Variants in DCAF10 observed in about 807,000 individuals in gnomAD.
DCAF10 encodes the protein DDB1- and CUL4-associated factor 10.
A neutral mutation model predicts 51.9 loss-of-function variants in DCAF10; 19 were observed. That is an observed-to-expected ratio of 0.37 (90% CI 0.26 to 0.54). The LOEUF is 0.54. Ranked by LOEUF, DCAF10 falls within the 20% of genes least tolerant of loss-of-function variation. The probability of loss-of-function intolerance (pLI) is 0.87; values close to 1 mark genes in which losing one functional copy is unlikely to be tolerated. For missense variants in DCAF10, 510 were observed against 730.6 expected (o/e 0.70, Z 3.48); for synonymous variants, 291 against 297.1 (o/e 0.98, Z 0.21).
intron 3 of DCAF10, among the ~76,000 whole-genome samples, chr9:37,845,574 C>T (rs1246297797): frequency 6.6e-6 from 1 of 152,182 alleles, no homozygotes. Flanking sequence ...TGTACTGGTT[C>T]AGCTGAAGTA....
At chr9:37,827,131 A>G (rs2117902779) in intron 2 of DCAF10, among the ~76,000 whole-genome samples, 1 of 152,250 alleles carries the variant, frequency 6.6e-6, no homozygotes, top group Admixed American at 6.5e-5. Context: ...CGGCCACCAC[A>G]ATACCTATTT....
At position 37,807,658 on chromosome 9, in the gene DCAF10, C is replaced by CTTTTTTTTTTTTTTTTTTTTTTTTTTT; in HGVS notation, c.539+6274_539+6275insTTTTTTTTTTTTTTTTTTTTTTTTTTT. Among the ~76,000 whole-genome samples the CTTTTTTTTTTTTTTTTTTTTTTTTTTT allele has an allele frequency of 2.8e-5, 2 of 72,556 alleles. 1 individual carries two copies. The highest frequency in any genetic ancestry group is 5.2e-5 in the Non-Finnish European group (2 of 38,246). The allele number at this position is 72,556 out of a possible 152,430, so 47.6% of individuals were successfully genotyped here. A position where few individuals can be genotyped will look rare whatever the true frequency, so the allele number is the denominator to read the frequency against. ...TTACCACTGAATTTTCTTTTCTTTT[C>CTTTTTTTTTTTTTTTTTTTTTTTTTTT]TTTTTTTTTTTTTTTTTTTTTGAGA... On this transcript the variant is annotated intron_variant, in intron 1 of 6. Coordinates refer to ENST00000377724, the MANE Select transcript of DCAF10 (RefSeq NM_024345.5).
At chr9:37,845,740 T>C (rs1206874472) in intron 3 of DCAF10, among the ~76,000 whole-genome samples, 2 of 152,184 alleles carry the variant, frequency 1.3e-5, no homozygotes, top group Non-Finnish European at 2.9e-5. Context: ...TTACACAATA[T>C]GGCGATTCCA....
chr9:37,802,634 AC>A (rs1414120942), intron 1 of DCAF10, among the ~76,000 whole-genome samples: 4 of 152,212 alleles, frequency 2.6e-5, no homozygotes, highest in African/African-American at 7.2e-5. Flanking sequence ...AACAGGAGTT[AC>A]TGTGAGCAAG....
At position 37,836,329 on chromosome 9, in the gene DCAF10, A is replaced by G. The variant is rs182109870; in HGVS notation, c.654-5760A>G. 373 of 1,609,940 alleles carry G rather than the reference A, an allele frequency of 2.3e-4. 1 individual carries two copies. The highest frequency in any genetic ancestry group is 2.1e-4 in the Middle Eastern group (1 of 4,752). On this transcript the variant is annotated intron_variant, in intron 2 of 6. Coordinates refer to ENST00000377724, the MANE Select transcript of DCAF10 (RefSeq NM_024345.5). ...GAAGTAACAAAGACACAATTAGAAC[A>G]GTTACCAGAACACATCAAGGAGCCA... is the stretch of plus-strand genomic sequence containing the variant.
At chr9:37,850,826 T>TTATATATATATATA (rs71494679) in intron 3 of DCAF10, among the ~76,000 whole-genome samples, 9 of 45,850 alleles carry the variant, frequency 2.0e-4, no homozygotes, top group Non-Finnish European at 4.0e-4. Context: ...AGGATATATT[T>TTATATATATATATA]TATATATATA....
chr9:37,841,730 A>G (rs1830342758), intron 2 of DCAF10, among the ~76,000 whole-genome samples: 1 of 152,154 alleles, frequency 6.6e-6, no homozygotes, highest in African/African-American at 2.4e-5. Flanking sequence ...AACTTCCTCT[A>G]TCGCCTATTA....
chr9:37,806,109 A>G (rs1463186600), intron 1 of DCAF10, among the ~76,000 whole-genome samples: 3 of 152,184 alleles, frequency 2.0e-5, no homozygotes, highest in Non-Finnish European at 4.4e-5. Flanking sequence ...TAAAAAATAA[A>G]TAAAAGAACA....
Position 37,830,477 on chromosome 9 carries a change from G to A in DCAF10, c.653+11076G>A, listed in dbSNP as rs561809856. 2.6e-5 allele frequency among the ~76,000 whole-genome samples: 4 copies of A among 152,194 alleles called. No homozygotes were observed. The South Asian group carries it at 8.3e-4, about 32-fold the overall frequency. On this transcript the variant is annotated intron_variant, in intron 2 of 6. Coordinates refer to ENST00000377724, the MANE Select transcript of DCAF10 (RefSeq NM_024345.5). ...TATGGTTACATACATATGAATTCAT[G>A]GTATTAAAAATTTACATGGGAATAA...
chr9:37,808,682 TATAA>T (rs1210876483), intron 1 of DCAF10, among the ~76,000 whole-genome samples: 291 of 11,596 alleles, frequency 0.025, no homozygotes, highest in Non-Finnish European at 0.063. Context: ...TAATATAAAA[TATAA>T]ATATATATTT....
Position 37,800,883 on chromosome 9 carries a change from C to T in DCAF10, c.17C>T (p.Pro6Leu), listed in dbSNP as rs777427390. The T allele has an allele frequency of 7.4e-6, 11 of 1,496,492 alleles. No individual in the cohort carries two copies. The African/African-American group carries it at 1.4e-4, about 19-fold the overall frequency. 92.7% of individuals were successfully genotyped at this position (1,496,492 alleles called of 1,614,324 possible). ...GCGTTGATCATGTTTCCCTTTGGGC[C>T]CCATAGCCCTGGAGGGGACGGATCG... MFPFG[P>L]HSPGGDGSAG... The change falls in exon 1 of 7, where the codon CCC becomes CTC. Residue 6 changes from proline to leucine, a missense_variant. By Grantham distance (98) the Pro-to-Leu change is moderately conservative (BLOSUM62 -3). Coordinates refer to ENST00000377724, the MANE Select transcript of DCAF10 (RefSeq NM_024345.5).
Position 37,854,888 on chromosome 9 carries a change from A to T in DCAF10, c.960A>T (p.Gly320=), listed in dbSNP as rs762769483. Residue 320 remains glycine, a synonymous_variant, in exon 4 of 7, where the codon GGA becomes GGT. Transcript: ENST00000377724. ...CSKMLISTSS[G]YLLILHDLDL... ...AAATGTTGATTTCAACGTCCTCTGG[A>T]TATCTCTTAATTTTGCATGACCTTG... The T allele has an allele frequency of 1.2e-5, 20 of 1,614,030 alleles. No homozygotes were observed. The highest frequency in any genetic ancestry group is 1.7e-5 in the Non-Finnish European group (20 of 1,179,980).
intron 1 of DCAF10, among the ~76,000 whole-genome samples, chr9:37,804,769 T>C (rs1829062280): frequency 6.8e-6 from 1 of 147,464 alleles, no homozygotes; most frequent in Admixed American, 6.8e-5. Context: ...AGAGCAAAAC[T>C]CCATTTAAAA....
At chr9:37,842,380 G>A in intron 3 of DCAF10, 94 bp downstream of exon 3, 3 of 1,247,546 alleles carry the variant, frequency 2.4e-6, no homozygotes, top group South Asian at 1.7e-5. Context: ...GCCTCAAGAA[G>A]GAAACTGGCT....
chr9:37,849,199 A>G (rs778648724), intron 3 of DCAF10, among the ~76,000 whole-genome samples: 1 of 152,120 alleles, frequency 6.6e-6, no homozygotes, highest in Non-Finnish European at 1.5e-5. Flanking sequence ...ACTACTGTTC[A>G]TCAGTGTCAT....
chr9:37,847,184 TG>T (rs911593229), intron 3 of DCAF10, among the ~76,000 whole-genome samples: 1 of 130,788 alleles, frequency 7.6e-6, no homozygotes, highest in Admixed American at 9.7e-5. Context: ...ACCCAGAAGG[TG>T]GAAGTTGCAG....
chr9:37,832,028 TTTAC>T (rs1194577415), intron 2 of DCAF10: 1 of 151,900 alleles, frequency 6.6e-6, no homozygotes, highest in Admixed American at 6.6e-5. Flanking sequence ...CATAAAAATA[TTTAC>T]TTAGTGATAT....
intron 1 of DCAF10, among the ~76,000 whole-genome samples, chr9:37,817,332 T>C (rs565025969): frequency 1.8e-4 from 27 of 152,292 alleles, no homozygotes; most frequent in African/African-American, 5.8e-4. Context: ...TGGCTTTGTG[T>C]GGTGGCTCAC....
intron 1 of DCAF10, among the ~76,000 whole-genome samples, chr9:37,815,753 A>G (rs375712673): frequency 2.0e-5 from 3 of 152,250 alleles, no homozygotes; most frequent in Non-Finnish European, 4.4e-5. Flanking sequence ...TAAATAATCA[A>G]TATTTAAAAA....
Sources: allele counts gnomAD v4.1 joint callset (sites outside exome capture counted in the v4.1 genomes callset), GRCh38; gene constraint gnomAD v4.1.1; transcripts MANE v1.5; gene names NCBI Gene and HGNC (gene_info 2026-07-23, HGNC 2026-07-21).